Variants in LRBA observed in about 807,000 individuals in gnomAD.
LRBA encodes LPS responsive beige-like anchor protein.
Under a neutral mutation model 330.0 loss-of-function variants are expected in LRBA, and 176 were observed. The ratio of observed to expected loss-of-function variants is 0.53; its 90% CI spans 0.47 to 0.60. The LOEUF (loss-of-function observed/expected upper bound fraction) is 0.60, where lower values mean the gene tolerates loss of function less well. Ranked by LOEUF, LRBA falls within the 20% of genes least tolerant of loss-of-function variation. The pLI, the probability that LRBA is intolerant of heterozygous loss-of-function variation, is 0.00. For missense variants in LRBA, 3,259 were observed against 3,444.8 expected, an observed-to-expected ratio of 0.95 and a Z score of 1.35; for synonymous variants, 1,230 against 1,193.0, an observed-to-expected ratio of 1.03 and a Z score of -0.64.
At chr4:150,334,264 T>C (rs1039838674) in intron 48 of LRBA, among the ~76,000 whole-genome samples, 5 of 151,990 alleles carry the variant, frequency 3.3e-5, no homozygotes, top group Admixed American at 1.3e-4. Flanking sequence ...CACCAGGATA[T>C]GGAATATTTA....
At chr4:150,836,665 G>A (rs1413973725) in intron 28 of LRBA, among the ~76,000 whole-genome samples, 3 of 152,050 alleles carry the variant, frequency 2.0e-5, no homozygotes, top group Non-Finnish European at 4.4e-5. Context: ...TTTATATTGA[G>A]TCATTCGATT....
At chr4:150,584,465 C>G (rs1561388876) in intron 40 of LRBA, 1 of 58,110 alleles carries the variant, frequency 1.7e-5, no homozygotes, top group Non-Finnish European at 7.9e-5. Context: ...TTTTTCTCTC[C>G]ACCCCATCCC....
At position 150,867,759 on chromosome 4, in the gene LRBA, A is replaced by C. The variant is rs376733273; in HGVS notation, c.2678T>G (p.Ile893Arg). 1.9e-6 allele frequency: 3 copies of C among 1,613,894 alleles called. No individual in the cohort carries two copies. The highest frequency in any genetic ancestry group is 2.5e-6 in the Non-Finnish European group (3 of 1,179,808). Reference sequence around the variant, plus strand: ...TGCATGGTAAAGCAGGATTCTGAATATGGCGTATACCATTTCTGTTATCTT... The same window carrying C: ...TGCATGGTAAAGCAGGATTCTGAATCTGGCGTATACCATTTCTGTTATCTT... ...EQKITEMVYAIFRILLYHAVK... is the reference protein window; with the variant it reads ...EQKITEMVYARFRILLYHAVK... The change falls in exon 22 of 57, where the codon ATA becomes AGA. Residue 893 changes from isoleucine (I) to arginine (R), a missense_variant. Transcript: ENST00000651943.
intron 22 of LRBA, among the ~76,000 whole-genome samples, chr4:150,855,507 G>C (rs1382666973): frequency 6.6e-6 from 1 of 151,952 alleles, no homozygotes; most frequent in African/African-American, 2.4e-5. Flanking sequence ...TTATACAATG[G>C]ATCAATAAAC....
chr4:150,295,981 A>G (rs1728931255), intron 53 of LRBA, among the ~76,000 whole-genome samples: 1 of 152,206 alleles, frequency 6.6e-6, no homozygotes, highest in Non-Finnish European at 1.5e-5. Context: ...TAACATAAAC[A>G]TGGTAAAATT....
At chr4:150,773,911 A>T (rs1736916893) in intron 34 of LRBA, among the ~76,000 whole-genome samples, 1 of 152,182 alleles carries the variant, frequency 6.6e-6, no homozygotes, top group Non-Finnish European at 1.5e-5. Flanking sequence ...ACTCATTGTC[A>T]CTTCAGAGCC....
intron 17 of LRBA, among the ~76,000 whole-genome samples, chr4:150,876,530 C>A (rs938617550): frequency 6.6e-6 from 1 of 152,166 alleles, no homozygotes; most frequent in African/African-American, 2.4e-5. Context: ...AGAAACCACA[C>A]AAGCCAGGAG....
At position 150,315,153 on chromosome 4, in the gene LRBA, C is replaced by T. The variant is rs113517326; in HGVS notation, c.7693+408G>A. The T allele has an allele frequency of 4.1e-3, 1,080 of 263,372 alleles. 8 individuals carry two copies. The highest frequency in any genetic ancestry group is 0.02 in the African/African-American group (878 of 43,004). 16.3% of individuals were successfully genotyped at this position (263,372 alleles called of 1,614,324 possible). On this transcript the variant is annotated intron_variant, in intron 51 of 56. Transcript: ENST00000651943. ...TCATAACGCAGTGCTGCTAAGAACC[C>T]CACTGTTATTATGAAAATTTTCCTA...
Position 151,001,031 on chromosome 4 carries a change from G to C in LRBA, c.216+13396C>G, listed in dbSNP as rs188719801. On this transcript the variant is annotated intron_variant, in intron 2 of 56. Coordinates refer to ENST00000651943, the MANE Select transcript of LRBA (RefSeq NM_001364905.1). ...TCATGGGCTCTGAAACTAACATAAG[G>C]ATCTGTCTGGAAATGGTGCAACAGC... 3.0e-4 allele frequency among the ~76,000 whole-genome samples: 45 copies of C among 152,268 alleles called. 1 individual carries two copies. In the East Asian group the frequency reaches 5.0e-3, roughly 17 times the overall value.
chr4:150,860,635 G>T (rs1751784412), intron 22 of LRBA, among the ~76,000 whole-genome samples: 1 of 152,054 alleles, frequency 6.6e-6, no homozygotes, highest in Non-Finnish European at 1.5e-5. Flanking sequence ...AGACCATCCT[G>T]GCTAACATGG....
At chr4:150,574,772 A>G (rs1401036568) in intron 40 of LRBA, among the ~76,000 whole-genome samples, 2 of 152,076 alleles carry the variant, frequency 1.3e-5, no homozygotes, top group African/African-American at 4.8e-5. Context: ...CCCAACAAAT[A>G]TTAGAAATAG....
intron 40 of LRBA, among the ~76,000 whole-genome samples, chr4:150,554,165 T>A (rs759172148): frequency 9.9e-5 from 15 of 152,222 alleles, no homozygotes; most frequent in Non-Finnish European, 1.8e-4. Flanking sequence ...GAGCCTCCTC[T>A]CCTTTCTGCC....
At chr4:150,424,091 T>C (rs1051510787) in intron 46 of LRBA, among the ~76,000 whole-genome samples, 5 of 152,204 alleles carry the variant, frequency 3.3e-5, no homozygotes, top group Admixed American at 1.3e-4. Flanking sequence ...ATCCATGAAA[T>C]TGAGGACTTT....
intron 36 of LRBA, among the ~76,000 whole-genome samples, chr4:150,690,112 A>G (rs2126947195): frequency 6.6e-6 from 1 of 152,266 alleles, no homozygotes; most frequent in East Asian, 1.9e-4. Flanking sequence ...TTAAAGATTC[A>G]ACATTTTAAA....
chr4:150,708,816 AT>A (rs1785898489), intron 36 of LRBA, among the ~76,000 whole-genome samples: 1 of 151,896 alleles, frequency 6.6e-6, no homozygotes, highest in Non-Finnish European at 1.5e-5. Flanking sequence ...CAAAAATTCT[AT>A]GAGTGTGAGT....
chr4:150,400,677 A>G (rs1159640785), intron 47 of LRBA, among the ~76,000 whole-genome samples: 1 of 152,092 alleles, frequency 6.6e-6, no homozygotes, highest in African/African-American at 2.4e-5. Flanking sequence ...AAACATTAGG[A>G]GACCCCCATC....
intron 40 of LRBA, among the ~76,000 whole-genome samples, chr4:150,503,267 C>T (rs1760545411): frequency 6.6e-6 from 1 of 152,190 alleles, no homozygotes; most frequent in African/African-American, 2.4e-5. Flanking sequence ...CAAGTGGGTC[C>T]CTGACCCCCG....
chr4:150,962,191 T>C (rs1215467849), intron 2 of LRBA, among the ~76,000 whole-genome samples: 3 of 149,362 alleles, frequency 2.0e-5, no homozygotes, highest in Admixed American at 6.6e-5. Context: ...TGGACATTTG[T>C]AGAAAAAATA....
chr4:150,398,670 A>G (rs1449087757), intron 47 of LRBA, among the ~76,000 whole-genome samples: 1 of 151,570 alleles, frequency 6.6e-6, no homozygotes, highest in African/African-American at 2.4e-5. Flanking sequence ...TCTGTCACCC[A>G]GGCTGGAGTG....
Sources: allele counts gnomAD v4.1 joint callset (sites outside exome capture counted in the v4.1 genomes callset), GRCh38; gene constraint gnomAD v4.1.1; transcripts MANE v1.5; gene names NCBI Gene and HGNC (gene_info 2026-07-23, HGNC 2026-07-21).